PCDHA4: variants seen among roughly 807,000 people sequenced by gnomAD.
PCDHA4 encodes protocadherin alpha 4.
PCDHA4 carries 49 observed loss-of-function variants against 61.4 expected under a neutral mutation model. The observed-to-expected ratio is 0.80, with a 90% CI of 0.63 to 1.01. The LOEUF (loss-of-function observed/expected upper bound fraction) is 1.01, where lower values mean the gene tolerates loss of function less well. PCDHA4 is among the 50% of genes least tolerant of loss of function. The pLI is 0.00. For missense variants in PCDHA4, 1,254 were observed against 1,235.8 expected, an observed-to-expected ratio of 1.01 and a Z score of -0.22; for synonymous variants, 590 against 550.3, an observed-to-expected ratio of 1.07 and a Z score of -1.01.
chr5:140,822,318 T>G, intron 1 of PCDHA4: 1 of 1,614,174 alleles, frequency 6.2e-7, no homozygotes, highest in Non-Finnish European at 8.5e-7. Flanking sequence ...ACTTAGATGT[T>G]AAAACAAATG....
chr5:140,989,132 C>T (rs943262599), intron 3 of PCDHA4: 2 of 152,216 alleles, frequency 1.3e-5, no homozygotes, highest in Admixed American at 1.3e-4. Context: ...AAATAAGACA[C>T]TTTATCCCTT....
At chr5:140,829,667 G>C in intron 1 of PCDHA4, 1 of 1,612,886 alleles carries the variant, frequency 6.2e-7, no homozygotes, top group Non-Finnish European at 8.5e-7. Context: ...GCTGGACCAC[G>C]AGGAGCTAGA....
intron 1 of PCDHA4, among the ~76,000 whole-genome samples, chr5:140,901,967 T>C (rs2069024315): frequency 6.6e-6 from 1 of 152,134 alleles, no homozygotes; most frequent in East Asian, 1.9e-4. Flanking sequence ...CTATCGTAAA[T>C]GGGATTACTT....
chr5:140,830,340 A>G (rs1554132759), intron 1 of PCDHA4: 16 of 1,613,958 alleles, frequency 9.9e-6, no homozygotes, highest in Non-Finnish European at 1.4e-5. Flanking sequence ...AGCTGGTCGT[A>G]CTCGCAGCAG....
intron 1 of PCDHA4, chr5:140,857,804 G>T: frequency 6.3e-7 from 1 of 1,597,858 alleles, no homozygotes. Context: ...GTCGGTGGTT[G>T]CGGGTCACGT....
chr5:140,835,187 T>A (rs2150231689), intron 1 of PCDHA4: 1 of 1,533,756 alleles, frequency 6.5e-7, no homozygotes, highest in Non-Finnish European at 8.8e-7. Context: ...ATGCCTCAGA[T>A]TTAGACGAAG....
intron 1 of PCDHA4, among the ~76,000 whole-genome samples, chr5:140,902,390 A>G (rs1051277099): frequency 2.6e-5 from 4 of 151,960 alleles, no homozygotes; most frequent in Admixed American, 1.3e-4. Flanking sequence ...TAAGAGTACT[A>G]TGTTGAATAC....
intron 1 of PCDHA4, among the ~76,000 whole-genome samples, chr5:140,932,553 C>T (rs1288415511): frequency 6.6e-6 from 1 of 151,798 alleles, no homozygotes; most frequent in African/African-American, 2.4e-5. Context: ...AACATACATT[C>T]CACAAGTAGA....
At position 140,980,991 on chromosome 5, in the gene PCDHA4, C is replaced by G. The variant is rs888673669; in HGVS notation, c.2445-1484C>G. Among the ~76,000 whole-genome samples the G allele has an allele frequency of 1.2e-4, 18 of 151,972 alleles. 1 individual carries two copies. Among genetic ancestry groups the G allele is most frequent in the Non-Finnish European group, 8.8e-5 (6 of 68,014 alleles). ...AATCTGACTGAGCCCACACAATTTG[C>G]TAGTAGGATCCAGGAACACTTGAAG... On this transcript the variant is annotated intron_variant, in intron 2 of 3. Transcript: ENST00000530339.
intron 1 of PCDHA4, chr5:140,884,253 C>T (rs1356283866): frequency 6.2e-7 from 1 of 1,613,418 alleles, no homozygotes; most frequent in East Asian, 2.2e-5. Context: ...CTGACGGCCA[C>T]GGCAACGGTG....
intron 3 of PCDHA4, among the ~76,000 whole-genome samples, chr5:141,004,166 A>C (rs2098156060): frequency 6.6e-6 from 1 of 152,278 alleles, no homozygotes; most frequent in Non-Finnish European, 1.5e-5. Context: ...AGGCAAAGCC[A>C]GCCAAGTGTC....
chr5:140,941,211 CTTCCTTTCTTTCTTTCTTTCTTT>C (rs2092859339), intron 1 of PCDHA4, among the ~76,000 whole-genome samples: 20 of 129,726 alleles, frequency 1.5e-4, no homozygotes, highest in Admixed American at 7.8e-4. Flanking sequence ...TCCTTTCTTT[CTTCCTTTCTTTCTTTCTTTCTTT>C]CTTTCTTTCT....
Position 140,857,860 on chromosome 5 carries a change from G to A in PCDHA4, c.2385+48288G>A, listed in dbSNP as rs532607436. On this transcript the variant is annotated intron_variant, in intron 1 of 3. Transcript: ENST00000530339. ...TGGACGCTGACTCTGGATACAACGC[G>A]TGGCTGTCGTATGAATTGCAGTCGG... 1.9e-6 allele frequency: 3 copies of A among 1,597,882 alleles called. 1 individual carries two copies. Among genetic ancestry groups the A allele is most frequent in the South Asian group, 1.1e-5 (1 of 90,496 alleles).
intron 1 of PCDHA4, chr5:140,884,166 C>T: frequency 1.2e-6 from 2 of 1,613,430 alleles, no homozygotes; most frequent in Non-Finnish European, 1.7e-6. Context: ...GAGATCAGCA[C>T]GACGCGCCCT....
chr5:140,963,770 C>T (rs1296794666), intron 1 of PCDHA4, among the ~76,000 whole-genome samples: 2 of 152,176 alleles, frequency 1.3e-5, no homozygotes, highest in Non-Finnish European at 2.9e-5. Context: ...TATTTCATGA[C>T]GACAGCAACA....
intron 3 of PCDHA4, among the ~76,000 whole-genome samples, chr5:140,988,469 G>A (rs2097299168): frequency 6.6e-6 from 1 of 152,150 alleles, no homozygotes; most frequent in Admixed American, 6.5e-5. Flanking sequence ...GGTGTGGGAA[G>A]GGGAATTAGC....
At chr5:140,865,420 C>T (rs998161335) in intron 1 of PCDHA4, 2 of 152,258 alleles carry the variant, frequency 1.3e-5, no homozygotes, top group South Asian at 2.1e-4. Context: ...TTAGTAGTGT[C>T]TACCTAGAAA....
intron 1 of PCDHA4, among the ~76,000 whole-genome samples, chr5:140,925,953 C>T (rs1438087673): frequency 1.3e-5 from 2 of 152,090 alleles, no homozygotes; most frequent in Non-Finnish European, 2.9e-5. Context: ...GAAGGAGAAA[C>T]TGCTATCACG....
At chr5:140,866,823 A>G (rs1375177663) in intron 1 of PCDHA4, 1 of 152,130 alleles carries the variant, frequency 6.6e-6, no homozygotes, top group Non-Finnish European at 1.5e-5. Context: ...TTAATCTTCA[A>G]TTGATTTTAC....
Sources: gnomAD v4.1 joint callset for allele counts (sites outside exome capture counted in the v4.1 genomes callset) on GRCh38, gnomAD v4.1.1 for gene constraint, MANE v1.5 for transcripts, NCBI Gene and HGNC (gene_info 2026-07-23, HGNC 2026-07-21) for gene names.